Variants in MAGI1 observed in about 807,000 individuals in gnomAD.
The protein encoded by MAGI1 is membrane-associated guanylate kinase, WW and PDZ domain-containing protein 1.
Under a neutral mutation model 139.9 loss-of-function variants are expected in MAGI1, and 58 were observed. The observed-to-expected ratio is 0.41, with a 90% CI of 0.34 to 0.52. MAGI1 has a LOEUF of 0.52. Ranked by LOEUF, MAGI1 falls within the 20% of genes least tolerant of loss-of-function variation. The pLI, the probability that MAGI1 is intolerant of heterozygous loss-of-function variation, is 0.12. For synonymous variants in MAGI1, 812 were observed against 737.9 expected, an observed-to-expected ratio of 1.10 and a Z score of -1.63; for missense variants, 1,874 against 1,901.6, an observed-to-expected ratio of 0.99 and a Z score of 0.27.
intron 3 of MAGI1, among the ~76,000 whole-genome samples, chr3:65,488,539 C>T (rs917440372): frequency 3.9e-5 from 6 of 151,932 alleles, no homozygotes; most frequent in East Asian, 3.9e-4. Flanking sequence ...GGGGATTTTA[C>T]CATGTTGGCC....
intron 1 of MAGI1, among the ~76,000 whole-genome samples, chr3:65,685,186 G>A (rs940833107): frequency 6.6e-6 from 1 of 151,786 alleles, no homozygotes; most frequent in Non-Finnish European, 1.5e-5. Flanking sequence ...TAATAAAAAA[G>A]TGCTGAAAAT....
intron 1 of MAGI1, among the ~76,000 whole-genome samples, chr3:65,769,409 A>G (rs2037763260): frequency 6.6e-6 from 1 of 152,212 alleles, no homozygotes; most frequent in South Asian, 2.1e-4. Flanking sequence ...AGATCATTTG[A>G]GACCAGGAGT....
At chr3:65,763,711 A>C (rs190845012) in intron 1 of MAGI1, among the ~76,000 whole-genome samples, 1 of 152,030 alleles carries the variant, frequency 6.6e-6, no homozygotes, top group South Asian at 2.1e-4. Flanking sequence ...ACAGTCTTCT[A>C]GGTGGAAGCA....
intron 1 of MAGI1, among the ~76,000 whole-genome samples, chr3:65,679,620 C>T (rs559077468): frequency 1.5e-4 from 23 of 152,124 alleles, no homozygotes; most frequent in Admixed American, 2.6e-4. Flanking sequence ...GAAAGGAGAA[C>T]GGCAGTCCAG....
intron 1 of MAGI1, among the ~76,000 whole-genome samples, chr3:65,909,960 T>C (rs1285582071): frequency 6.6e-6 from 1 of 152,044 alleles, no homozygotes; most frequent in African/African-American, 2.4e-5. Flanking sequence ...CACAACTAGA[T>C]CCCTCACATG....
At chr3:65,938,306 C>A (rs1030711443) in intron 1 of MAGI1, among the ~76,000 whole-genome samples, 1 of 147,970 alleles carries the variant, frequency 6.8e-6, no homozygotes, top group Non-Finnish European at 1.5e-5. Context: ...AATATATTAA[C>A]ATAATTATAC....
intron 1 of MAGI1, among the ~76,000 whole-genome samples, chr3:65,880,538 A>G (rs557581526): frequency 6.6e-6 from 1 of 152,290 alleles, no homozygotes; most frequent in Non-Finnish European, 1.5e-5. Context: ...TGAACAAGAA[A>G]TACTGCTGAC....
chr3:65,959,798 CTTTTTTTTTTTT>C lies in MAGI1; in HGVS notation c.313+78186_313+78197del, dbSNP rs33978400. Reference sequence around the variant, plus strand: ...TAATGGACAAATAAATAAATTCTCTCTTTTTTTTTTTTTTTTTTTTTTTTTGAGACAGAGTCT... The same window carrying C: ...TAATGGACAAATAAATAAATTCTCTCTTTTTTTTTTTTTGAGACAGAGTCT... On this transcript the variant is annotated intron_variant, in intron 1 of 22. Coordinates refer to ENST00000402939, the MANE Select transcript of MAGI1 (RefSeq NM_001033057.2). Among the ~76,000 whole-genome samples, 3 of 60,266 alleles carry C rather than the reference CTTTTTTTTTTTT, an allele frequency of 5.0e-5. No homozygotes were observed. In the East Asian group the frequency reaches 1.8e-3, roughly 37 times the overall value. 39.5% of individuals were successfully genotyped at this position (60,266 alleles called of 152,430 possible).
intron 2 of MAGI1, among the ~76,000 whole-genome samples, chr3:65,578,269 C>T (rs1347228275): frequency 1.3e-5 from 2 of 152,110 alleles, no homozygotes; most frequent in African/African-American, 4.8e-5. Flanking sequence ...AGGAATCACA[C>T]ACAGAAACAT....
chr3:65,917,562 A>T (rs1424841278), intron 1 of MAGI1, among the ~76,000 whole-genome samples: 1 of 152,230 alleles, frequency 6.6e-6, no homozygotes, highest in African/African-American at 2.4e-5. Flanking sequence ...TGAATGGATA[A>T]AAGAACTATG....
At chr3:65,379,610 C>T in intron 16 of MAGI1, 56 bp from the exon 17 acceptor site, 1 of 1,555,358 alleles carries the variant, frequency 6.4e-7, no homozygotes, top group Non-Finnish European at 8.7e-7. Flanking sequence ...CTCCATCCTG[C>T]TGCCCCTCCC....
intron 1 of MAGI1, among the ~76,000 whole-genome samples, chr3:65,652,130 G>A (rs1461314160): frequency 2.0e-5 from 3 of 152,096 alleles, no homozygotes; most frequent in Non-Finnish European, 4.4e-5. Context: ...GTCTAGACTA[G>A]TCACGCCTGT....
chr3:65,659,378 G>A (rs1374644608), intron 1 of MAGI1, among the ~76,000 whole-genome samples: 1 of 152,176 alleles, frequency 6.6e-6, no homozygotes, highest in Non-Finnish European at 1.5e-5. Flanking sequence ...GACCAAGCTG[G>A]CTAATACCAA....
intron 12 of MAGI1, among the ~76,000 whole-genome samples, chr3:65,414,982 T>C: frequency 7.4e-6 from 1 of 135,268 alleles, no homozygotes; most frequent in Non-Finnish European, 1.5e-5. Context: ...TGAGCCGAGA[T>C]CATGCCATTG....
At chr3:65,591,327 G>A (rs535904534) in intron 2 of MAGI1, among the ~76,000 whole-genome samples, 5 of 152,046 alleles carry the variant, frequency 3.3e-5, no homozygotes, top group Admixed American at 2.0e-4. Flanking sequence ...AAAACCCTTG[G>A]AGTCATTCTC....
chr3:65,822,729 T>C (rs1000615845), intron 1 of MAGI1, among the ~76,000 whole-genome samples: 2 of 152,080 alleles, frequency 1.3e-5, no homozygotes, highest in East Asian at 1.9e-4. Context: ...CATCTTACAA[T>C]GGCAGGAGTA....
intron 1 of MAGI1, among the ~76,000 whole-genome samples, chr3:65,960,825 C>T: frequency 6.6e-6 from 1 of 152,160 alleles, no homozygotes; most frequent in Admixed American, 6.5e-5. Context: ...ACCATCCTTG[C>T]TCCTATATGG....
At chr3:65,709,787 T>C (rs2031060458) in intron 1 of MAGI1, among the ~76,000 whole-genome samples, 1 of 152,260 alleles carries the variant, frequency 6.6e-6, no homozygotes, top group South Asian at 2.1e-4. Flanking sequence ...AGATATGTTT[T>C]TGTCAAGCAA....
chr3:65,406,805 CTATATA>C (rs538542443), intron 12 of MAGI1, among the ~76,000 whole-genome samples: 1 of 150,860 alleles, frequency 6.6e-6, no homozygotes, highest in African/African-American at 2.4e-5. Flanking sequence ...CTCTCTCTCT[CTATATA>C]TATATATCGA....
Sources: gnomAD v4.1 joint callset for allele counts (sites outside exome capture counted in the v4.1 genomes callset) on GRCh38, gnomAD v4.1.1 for gene constraint, MANE v1.5 for transcripts, NCBI Gene and HGNC (gene_info 2026-07-23, HGNC 2026-07-21) for gene names.